Variants in GMDS observed in about 807,000 individuals in gnomAD.
GMDS encodes GDP-mannose 4,6 dehydratase.
In GMDS, 20 loss-of-function variants were observed where a neutral mutation model predicts 49.9. That is an observed-to-expected ratio of 0.40 (90% CI 0.28 to 0.58). The LOEUF (loss-of-function observed/expected upper bound fraction) is 0.58. GMDS is among the 20% of genes least tolerant of loss of function. The probability of loss-of-function intolerance (pLI) is 0.42; values close to 1 mark genes in which losing one functional copy is unlikely to be tolerated. For synonymous variants in GMDS, 177 were observed against 178.6 expected, an observed-to-expected ratio of 0.99 and a Z score of 0.07; for missense variants, 362 against 481.4, an observed-to-expected ratio of 0.75 and a Z score of 2.32.
chr6:1,871,241 G>A (rs922423184), intron 7 of GMDS, among the ~76,000 whole-genome samples: 1 of 152,174 alleles, frequency 6.6e-6, no homozygotes, highest in Non-Finnish European at 1.5e-5. Flanking sequence ...TGTTTGAGAC[G>A]TTCTGGCATT....
intron 4 of GMDS, among the ~76,000 whole-genome samples, chr6:1,973,801 A>C (rs1408453083): frequency 1.3e-5 from 2 of 152,206 alleles, no homozygotes; most frequent in Non-Finnish European, 2.9e-5. Context: ...AAAATGACAG[A>C]ACAACAACAA....
intron 9 of GMDS, among the ~76,000 whole-genome samples, chr6:1,667,249 T>G (rs1434199771): frequency 1.3e-5 from 2 of 152,210 alleles, no homozygotes; most frequent in East Asian, 3.8e-4. Flanking sequence ...AAAATGAAAT[T>G]GCCCCAGCTT....
chr6:1,657,242 A>G lies in GMDS; in HGVS notation c.988-32702T>C, dbSNP rs375937114. On this transcript the variant is annotated intron_variant, in intron 9 of 10. Transcript: ENST00000380815. ...GCCTGCTGGAATCTCTGTTTCAAGG[A>G]CATTCTTCCCCAGACAGAGTGGAGA... Among the ~76,000 whole-genome samples, 52 of 152,324 alleles carry G rather than the reference A, an allele frequency of 3.4e-4. 1 individual carries two copies. In the East Asian group the frequency reaches 8.7e-3, roughly 25 times the overall value.
At chr6:2,099,894 T>C (rs1773826664) in intron 4 of GMDS, among the ~76,000 whole-genome samples, 1 of 152,130 alleles carries the variant, frequency 6.6e-6, no homozygotes, top group African/African-American at 2.4e-5. Flanking sequence ...TTAACACTGA[T>C]GTTTTCATTA....
intron 4 of GMDS, among the ~76,000 whole-genome samples, chr6:1,995,767 G>A (rs1766237851): frequency 6.6e-6 from 1 of 152,202 alleles, no homozygotes; most frequent in East Asian, 1.9e-4. Flanking sequence ...CGTGGCTTGG[G>A]AAGGGCCAGG....
chr6:1,942,353 CAGA>C (rs1359857791), intron 6 of GMDS, among the ~76,000 whole-genome samples: 4 of 152,290 alleles, frequency 2.6e-5, no homozygotes, highest in African/African-American at 9.6e-5. Context: ...CTGCTCAATG[CAGA>C]TTCCCCAAAG....
At chr6:2,163,813 T>G (rs1777530043) in intron 1 of GMDS, among the ~76,000 whole-genome samples, 1 of 152,176 alleles carries the variant, frequency 6.6e-6, no homozygotes, top group Non-Finnish European at 1.5e-5. Flanking sequence ...CCTGCTGCAT[T>G]AGGTTTCCCA....
chr6:2,208,260 G>C (rs971497154), intron 1 of GMDS, among the ~76,000 whole-genome samples: 19 of 152,174 alleles, frequency 1.2e-4, no homozygotes, highest in African/African-American at 4.6e-4. Flanking sequence ...TGCTGGAGCA[G>C]TTTAGATTAG....
At chr6:1,624,296 C>G (rs1326903848) in intron 10 of GMDS, 65 bp from the exon 11 acceptor site, 1 of 1,458,354 alleles carries the variant, frequency 6.9e-7, no homozygotes, top group Non-Finnish European at 9.6e-7. Flanking sequence ...CACCCCACCC[C>G]GGGTGTCGGC....
chr6:2,245,392 C>G lies in GMDS; in HGVS notation c.31G>C (p.Ala11Pro). 1 of 1,540,804 alleles carries G rather than the reference C, an allele frequency of 6.5e-7. No individual in the cohort carries two copies. The change falls in exon 1 of 11, where the codon GCC becomes CCC. Residue 11 changes from alanine to proline, a missense_variant. Transcript: ENST00000380815. MAHAPARCPS[A>P]RGSGDGEMGK... ...ATCTCGCCGTCCCCGGAGCCCCGGGCGCTGGGGCAGCGTGCCGGTGCGTGT... is the reference window on the plus strand; with the variant it reads ...ATCTCGCCGTCCCCGGAGCCCCGGGGGCTGGGGCAGCGTGCCGGTGCGTGT...
At chr6:1,826,363 G>A (rs932492230) in intron 7 of GMDS, among the ~76,000 whole-genome samples, 2 of 152,090 alleles carry the variant, frequency 1.3e-5, no homozygotes, top group Admixed American at 1.3e-4. Flanking sequence ...TTAGTAAGAG[G>A]ATCTTGGAAT....
chr6:2,078,584 C>A (rs182041320), intron 4 of GMDS, among the ~76,000 whole-genome samples: 1 of 151,924 alleles, frequency 6.6e-6, no homozygotes, highest in Non-Finnish European at 1.5e-5. Context: ...TCCAAAGATC[C>A]TCTTGATATT....
At position 1,790,609 on chromosome 6, in the gene GMDS, T is replaced by C. The variant is rs1200705527; in HGVS notation, c.772-48023A>G. The stretch of plus-strand genomic sequence containing the variant: ...TCCAACATATCGAGGTTTTCTATAG[T>C]TTTTCTATAGCGGTTATATATAGTA... On this transcript the variant is annotated intron_variant, in intron 7 of 10. Transcript: ENST00000380815. Among the ~76,000 whole-genome samples the C allele has an allele frequency of 2.0e-5, 3 of 152,204 alleles. No homozygotes were observed. In the East Asian group the frequency reaches 5.8e-4, roughly 29 times the overall value.
At chr6:2,121,310 C>A (rs942090889) in intron 2 of GMDS, among the ~76,000 whole-genome samples, 1 of 152,152 alleles carries the variant, frequency 6.6e-6, no homozygotes, top group South Asian at 2.1e-4. Context: ...TCCATAAAAC[C>A]CAAGAATTCT....
At chr6:2,192,499 G>A (rs1368065217) in intron 1 of GMDS, among the ~76,000 whole-genome samples, 1 of 152,244 alleles carries the variant, frequency 6.6e-6, no homozygotes. Context: ...GGGGAGAACA[G>A]CTGTGGTCCT....
chr6:1,751,028 C>A (rs1187570740), intron 7 of GMDS, among the ~76,000 whole-genome samples: 1 of 152,214 alleles, frequency 6.6e-6, no homozygotes, highest in Non-Finnish European at 1.5e-5. Flanking sequence ...CTAGATTCCT[C>A]CTCTCTGGGC....
intron 7 of GMDS, among the ~76,000 whole-genome samples, chr6:1,796,832 A>G (rs1205915817): frequency 6.6e-6 from 1 of 152,186 alleles, no homozygotes; most frequent in African/African-American, 2.4e-5. Context: ...TTCAAACTGT[A>G]GTGATGTTTG....
At position 2,062,868 on chromosome 6, in the gene GMDS, C is replaced by T. The variant is rs563005907; in HGVS notation, c.345+52903G>A. ...GACAAATTAATTAATGTTTCTGAGC[C>T]TCAGTTCATTTACCTATAAAATGAA... On this transcript the variant is annotated intron_variant, in intron 4 of 10. Coordinates refer to ENST00000380815, the MANE Select transcript of GMDS (RefSeq NM_001500.4). 4.6e-5 allele frequency among the ~76,000 whole-genome samples: 7 copies of T among 152,324 alleles called. No homozygotes were observed. In the South Asian group the frequency reaches 1.4e-3, roughly 32 times the overall value.
At chr6:1,746,980 G>A (rs567426856) in intron 7 of GMDS, among the ~76,000 whole-genome samples, 1 of 152,252 alleles carries the variant, frequency 6.6e-6, no homozygotes, top group East Asian at 1.9e-4. Context: ...GATTACAGGT[G>A]TGAGCCACCG....
Sources: gnomAD v4.1 joint callset for allele counts (sites outside exome capture counted in the v4.1 genomes callset) on GRCh38, gnomAD v4.1.1 for gene constraint, MANE v1.5 for transcripts, NCBI Gene and HGNC (gene_info 2026-07-23, HGNC 2026-07-21) for gene names.